Variants in SGCZ observed in about 807,000 individuals in gnomAD.
The protein encoded by SGCZ is sarcoglycan zeta, also known as zeta-sarcoglycan.
A neutral mutation model predicts 41.3 loss-of-function variants in SGCZ; 40 were observed. That is an observed-to-expected ratio of 0.97 (90% CI 0.75 to 1.26). The LOEUF (loss-of-function observed/expected upper bound fraction) is 1.26, where lower values mean the gene tolerates loss of function less well. Ranked by LOEUF, SGCZ falls within the 50% of genes most tolerant of loss-of-function variation. The probability of loss-of-function intolerance (pLI) is 0.00; values close to 1 mark genes in which losing one functional copy is unlikely to be tolerated. For synonymous variants in SGCZ, 206 were observed against 137.5 expected (o/e 1.50, Z -3.49); for missense variants, 552 against 369.8 (o/e 1.49, Z -4.04).
intron 1 of SGCZ, among the ~76,000 whole-genome samples, chr8:15,005,290 C>G (rs1282262405): frequency 6.6e-6 from 1 of 150,844 alleles, no homozygotes; most frequent in Admixed American, 6.6e-5. Context: ...GTTTCCGGAG[C>G]CCCCTCCCCA....
intron 1 of SGCZ, among the ~76,000 whole-genome samples, chr8:14,876,681 T>C (rs993701616): frequency 3.3e-5 from 5 of 152,184 alleles, no homozygotes; most frequent in African/African-American, 1.2e-4. Flanking sequence ...AATAAAGTTA[T>C]TGACACAAAT....
chr8:14,639,038 CTTTT>C lies in SGCZ; in HGVS notation c.40-84116_40-84113del, dbSNP rs148778266. Among the ~76,000 whole-genome samples the C allele has an allele frequency of 6.8e-3, 930 of 137,656 alleles. 3 individuals are homozygous for C. Among genetic ancestry groups the C allele is most frequent in the Non-Finnish European group, 0.011 (682 of 64,348 alleles). 90.3% of individuals were successfully genotyped at this position (137,656 alleles called of 152,430 possible). On this transcript the variant is annotated intron_variant, in intron 1 of 7. Coordinates refer to ENST00000382080, the MANE Select transcript of SGCZ (RefSeq NM_139167.4). ...AAATAATACACTAAGAAACTGGAAT[CTTTT>C]TTTTTTTTTTTTGTCTTTTTTTGAG...
intron 1 of SGCZ, among the ~76,000 whole-genome samples, chr8:14,764,535 C>A (rs1344711972): frequency 6.6e-6 from 1 of 152,156 alleles, no homozygotes; most frequent in Non-Finnish European, 1.5e-5. Context: ...TACCATAGAT[C>A]TACACCTGCA....
intron 1 of SGCZ, among the ~76,000 whole-genome samples, chr8:14,991,650 A>G (rs1197603450): frequency 2.0e-5 from 3 of 152,090 alleles, no homozygotes; most frequent in Admixed American, 2.0e-4. Flanking sequence ...TGTTAGTGCA[A>G]GGAAACTAGT....
intron 1 of SGCZ, among the ~76,000 whole-genome samples, chr8:15,216,185 G>T (rs1444206893): frequency 2.0e-5 from 3 of 151,194 alleles, no homozygotes; most frequent in Non-Finnish European, 4.4e-5. Context: ...AAGAAAAAAG[G>T]ATGTTTTAAG....
chr8:14,347,506 T>C (rs1242323091), intron 2 of SGCZ, among the ~76,000 whole-genome samples: 2 of 152,046 alleles, frequency 1.3e-5, no homozygotes, highest in African/African-American at 4.8e-5. Context: ...AGTCACTGCA[T>C]TAAAATTTTA....
intron 1 of SGCZ, among the ~76,000 whole-genome samples, chr8:14,803,684 G>A (rs897578506): frequency 1.3e-5 from 2 of 151,954 alleles, no homozygotes; most frequent in Non-Finnish European, 2.9e-5. Flanking sequence ...GCTTGCTTAG[G>A]TAAACAAAGC....
At chr8:14,508,048 G>C (rs1324663804) in intron 2 of SGCZ, among the ~76,000 whole-genome samples, 1 of 152,104 alleles carries the variant, frequency 6.6e-6, no homozygotes, top group Non-Finnish European at 1.5e-5. Flanking sequence ...TAGGATTACC[G>C]GCGTGAGTCA....
At chr8:14,170,964 G>T (rs1804361356) in intron 4 of SGCZ, among the ~76,000 whole-genome samples, 2 of 151,944 alleles carry the variant, frequency 1.3e-5, no homozygotes, top group South Asian at 4.1e-4. Flanking sequence ...TAATCCTAGT[G>T]TCTTCTGGTA....
chr8:14,747,254 C>A (rs1799362067), intron 1 of SGCZ, among the ~76,000 whole-genome samples: 2 of 152,162 alleles, frequency 1.3e-5, no homozygotes, highest in South Asian at 4.1e-4. Flanking sequence ...TGTGTGAATA[C>A]CCATCTCGTC....
intron 1 of SGCZ, among the ~76,000 whole-genome samples, chr8:15,084,928 C>T (rs910378758): frequency 6.6e-6 from 1 of 152,166 alleles, no homozygotes; most frequent in Admixed American, 6.5e-5. Flanking sequence ...AATGCCTCCC[C>T]TCTTTCTCTT....
At chr8:14,605,930 C>A (rs1335273392) in intron 1 of SGCZ, among the ~76,000 whole-genome samples, 1 of 151,868 alleles carries the variant, frequency 6.6e-6, no homozygotes, top group Non-Finnish European at 1.5e-5. Flanking sequence ...TATTTTATTC[C>A]CTTTATATAT....
chr8:14,479,744 T>C (rs1395445153), intron 2 of SGCZ, among the ~76,000 whole-genome samples: 7,299 of 87,826 alleles, frequency 0.083, 242 homozygotes, highest in Middle Eastern at 0.14. Context: ...TTTTTTTTTT[T>C]TTTTTTTTTT....
chr8:15,176,888 C>A (rs1800015731), intron 1 of SGCZ, among the ~76,000 whole-genome samples: 1 of 152,152 alleles, frequency 6.6e-6, no homozygotes, highest in Non-Finnish European at 1.5e-5. Context: ...GTAGTCCCAG[C>A]TACTCAGGAG....
intron 1 of SGCZ, among the ~76,000 whole-genome samples, chr8:15,015,849 A>C (rs1803012395): frequency 6.7e-6 from 1 of 150,180 alleles, no homozygotes; most frequent in African/African-American, 2.5e-5. Context: ...TAAAATTCTT[A>C]CTTGCAACTT....
At chr8:14,291,161 T>C (rs1373961973) in intron 3 of SGCZ, among the ~76,000 whole-genome samples, 1 of 151,828 alleles carries the variant, frequency 6.6e-6, no homozygotes, top group African/African-American at 2.4e-5. Flanking sequence ...TACCAGAAAA[T>C]GGGGAGAGTC....
intron 2 of SGCZ, among the ~76,000 whole-genome samples, chr8:14,445,813 C>T (rs1800416017): frequency 6.6e-6 from 1 of 152,128 alleles, no homozygotes; most frequent in Admixed American, 6.6e-5. Flanking sequence ...TGGAATACTC[C>T]CTCTGGTTCT....
chr8:14,611,168 A>C (rs1805915829), intron 1 of SGCZ, among the ~76,000 whole-genome samples: 1 of 152,078 alleles, frequency 6.6e-6, no homozygotes, highest in South Asian at 2.1e-4. Flanking sequence ...ACAATCTGTG[A>C]CTCAAAAGTG....
At chr8:15,044,927 T>C (rs1351392923) in intron 1 of SGCZ, among the ~76,000 whole-genome samples, 2 of 152,086 alleles carry the variant, frequency 1.3e-5, no homozygotes, top group African/African-American at 4.8e-5. Flanking sequence ...TAAATTATGA[T>C]GGTTTTGTTT....
Sources: allele counts gnomAD v4.1 joint callset (sites outside exome capture counted in the v4.1 genomes callset), GRCh38; gene constraint gnomAD v4.1.1; transcripts MANE v1.5; gene names NCBI Gene and HGNC (gene_info 2026-07-23, HGNC 2026-07-21).